Variants in PATJ observed in about 807,000 individuals in gnomAD.
The protein encoded by PATJ is PATJ crumbs cell polarity complex component.
In PATJ, 190 loss-of-function variants were observed where a neutral mutation model predicts 224.9. That is an observed-to-expected ratio of 0.84 (90% confidence interval 0.75 to 0.95). PATJ has a LOEUF of 0.95. Among genes scored for constraint, PATJ ranks in the 40% least tolerant of loss-of-function variants. PATJ has a pLI of 0.00. For synonymous variants in PATJ, 769 were observed against 820.3 expected (o/e 0.94, Z 1.07); for missense variants, 2,121 against 2,270.3 (o/e 0.93, Z 1.34).
At chr1:62,158,859 G>C (rs1053795075) in intron 43 of PATJ, among the ~76,000 whole-genome samples, 1 of 151,960 alleles carries the variant, frequency 6.6e-6, no homozygotes, top group South Asian at 2.1e-4. Context: ...TGAGGCAGGA[G>C]AATCGCTTGA....
intron 41 of PATJ, among the ~76,000 whole-genome samples, chr1:62,134,204 C>CT (rs71050201): frequency 0.02 from 2,480 of 123,968 alleles, 62 homozygotes; most frequent in African/African-American, 0.063. Flanking sequence ...GTACTCTCGT[C>CT]TTTTTTTTTT....
In PATJ at chr1:61,831,218, A is replaced by T. The variant is rs189644100; in HGVS notation, c.1981-2436A>T. 3.7e-3 allele frequency among the ~76,000 whole-genome samples: 559 copies of T among 151,800 alleles called. 4 individuals carry two copies. Among genetic ancestry groups the T allele is most frequent in the African/African-American group, 0.013 (541 of 41,416 alleles). ...AAAAAAAAAAAAAGTAAAACCTAAA[A>T]CTATAAAAACCCTGGAAGAAAACCT... On this transcript the variant is annotated intron_variant, in intron 16 of 43. Transcript: ENST00000642238.
intron 41 of PATJ, among the ~76,000 whole-genome samples, chr1:62,145,325 A>G (rs1390167685): frequency 6.6e-6 from 1 of 152,228 alleles, no homozygotes; most frequent in Non-Finnish European, 1.5e-5. Context: ...AAATAAGATA[A>G]ACAAGGTAAG....
At chr1:61,862,428 C>T (rs1664760331) in intron 19 of PATJ, among the ~76,000 whole-genome samples, 1 of 152,102 alleles carries the variant, frequency 6.6e-6, no homozygotes, top group Non-Finnish European at 1.5e-5. Flanking sequence ...AACTCCTGAC[C>T]TCAGGTGATG....
intron 26 of PATJ, chr1:61,918,032 A>G (rs1485140838): frequency 6.6e-6 from 1 of 151,106 alleles, no homozygotes; most frequent in East Asian, 1.9e-4. Context: ...AGCCTGGACG[A>G]CAGAGCGAGA....
intron 33 of PATJ, among the ~76,000 whole-genome samples, chr1:62,085,285 G>A (rs930797007): frequency 6.6e-6 from 1 of 151,890 alleles, no homozygotes; most frequent in African/African-American, 2.4e-5. Context: ...CCAGGAGGTC[G>A]AGGCTGTAGT....
chr1:61,772,235 T>C (rs940413395), intron 6 of PATJ, among the ~76,000 whole-genome samples: 9 of 151,902 alleles, frequency 5.9e-5, no homozygotes, highest in African/African-American at 2.2e-4. Flanking sequence ...TCCTTGGTGA[T>C]GTAGCCAATT....
At chr1:61,747,664 A>T (rs1570213309) in intron 1 of PATJ, among the ~76,000 whole-genome samples, 1 of 152,304 alleles carries the variant, frequency 6.6e-6, no homozygotes, top group East Asian at 1.9e-4. Flanking sequence ...TACTTTAAGA[A>T]AAGGCATAGA....
At chr1:62,064,556 T>C (rs2498979) in intron 31 of PATJ, among the ~76,000 whole-genome samples, 3,735 of 152,306 alleles carry the variant, frequency 0.025, 129 homozygotes, top group East Asian at 0.15. Context: ...GGTCTCGAAC[T>C]CCTGGGCTCA....
intron 15 of PATJ, among the ~76,000 whole-genome samples, chr1:61,825,651 G>C (rs368309610): frequency 4.8e-4 from 73 of 152,234 alleles, no homozygotes; most frequent in African/African-American, 1.7e-3. Context: ...AGTTGGTAAT[G>C]GGAAATGAGA....
intron 13 of PATJ, 144 bp downstream of exon 13, chr1:61,805,668 AT>A (rs2148612613): frequency 1.7e-6 from 1 of 591,898 alleles, no homozygotes; most frequent in East Asian, 2.9e-5. Flanking sequence ...TAGTGGATCA[AT>A]CGATTTTTTT....
intron 26 of PATJ, among the ~76,000 whole-genome samples, chr1:61,916,877 T>G (rs1673525151): frequency 6.6e-6 from 1 of 152,196 alleles, no homozygotes; most frequent in Admixed American, 6.5e-5. Context: ...AACTGTCCTC[T>G]TGTGCTGAGT....
chr1:61,947,832 AACCAAAACAGAATGGTACTGGT>A (rs2149370037), intron 27 of PATJ, among the ~76,000 whole-genome samples: 1 of 152,348 alleles, frequency 6.6e-6, no homozygotes, highest in South Asian at 2.1e-4. Flanking sequence ...AGGCTACAGT[AACCAAAACAGAATGGTACTGGT>A]ACCAAAACAG....
intron 21 of PATJ, among the ~76,000 whole-genome samples, chr1:61,878,278 G>T (rs763302976): frequency 2.0e-5 from 3 of 152,106 alleles, no homozygotes; most frequent in Non-Finnish European, 2.9e-5. Flanking sequence ...AGCAAAGCTG[G>T]AACAGTGGGG....
At chr1:61,939,733 G>A (rs988938879) in intron 27 of PATJ, among the ~76,000 whole-genome samples, 2 of 125,174 alleles carry the variant, frequency 1.6e-5, no homozygotes, top group Non-Finnish European at 3.1e-5. Context: ...GGACTGCAGT[G>A]GTGTGATCTC....
At chr1:61,874,208 A>G (rs1449977993) in intron 20 of PATJ, among the ~76,000 whole-genome samples, 1 of 106,746 alleles carries the variant, frequency 9.4e-6, no homozygotes, top group Admixed American at 1.0e-4. Flanking sequence ...TTATTTATTT[A>G]TTTATTTATT....
intron 27 of PATJ, among the ~76,000 whole-genome samples, chr1:61,939,344 C>CACAG (rs1414528096): frequency 8.4e-5 from 9 of 107,470 alleles, no homozygotes; most frequent in Non-Finnish European, 1.1e-4. Context: ...CACACACACA[C>CACAG]AGTCAGAAGA....
In PATJ at chr1:62,114,069, T is replaced by C. The variant is rs777198659; in HGVS notation, c.4478T>C (p.Leu1493Pro). 6.2e-7 allele frequency: 1 copy of C among 1,614,048 alleles called. No individual in the cohort carries two copies. Among genetic ancestry groups the C allele is most frequent in the Non-Finnish European group, 8.5e-7 (1 of 1,179,956 alleles). ...TTGTTCCAGGTTAATGGGGTTGACC[T>C]GAGGAACTCCAGCCACGAAGAAGCC... ...DQILEVNGVD[L>P]RNSSHEEAIT... The change falls in exon 35 of 44, where the codon CTG (leucine) becomes CCG (proline). Residue 1493 changes from leucine (L) to proline (P), a missense_variant. Physicochemically the swap from Leu to Pro is moderately conservative, Grantham distance 98. Coordinates refer to ENST00000642238, the MANE Select transcript of PATJ (RefSeq NM_001350145.3).
intron 31 of PATJ, among the ~76,000 whole-genome samples, chr1:62,056,646 T>C (rs1654594029): frequency 1.3e-5 from 2 of 152,026 alleles, no homozygotes; most frequent in Non-Finnish European, 2.9e-5. Context: ...CTGGGCGTGG[T>C]GTTGGATGCC....
Sources: allele counts gnomAD v4.1 joint callset (sites outside exome capture counted in the v4.1 genomes callset), GRCh38; gene constraint gnomAD v4.1.1; transcripts MANE v1.5; gene names NCBI Gene and HGNC (gene_info 2026-07-23, HGNC 2026-07-21).